The following KCNAB1 variants were observed in gnomAD, a reference collection of about 807,000 sequenced individuals.
The protein encoded by KCNAB1 is potassium voltage-gated channel subfamily A regulatory beta subunit 1.
KCNAB1 carries 35 observed loss-of-function variants against 64.6 expected under a neutral mutation model. The observed-to-expected ratio is 0.54, with a 90% CI of 0.41 to 0.72. KCNAB1 has a LOEUF of 0.72. Ranked by LOEUF, KCNAB1 falls within the 30% of genes least tolerant of loss-of-function variation. The pLI is 0.00. For missense variants in KCNAB1, 401 were observed against 512.9 expected (o/e 0.78, Z 2.11); for synonymous variants, 177 against 183.8 (o/e 0.96, Z 0.30).
chr3:156,120,411 G>T (rs1051618826), upstream of KCNAB1: 2 of 647,442 alleles, frequency 3.1e-6, no homozygotes, highest in African/African-American at 3.6e-5. Flanking sequence ...ACAGGTATTG[G>T]CCAGCTTACC....
In KCNAB1 at chr3:156,500,634, TATTA is replaced by T. The variant is rs1340622115; in HGVS notation, c.659-13726_659-13723del. ...CTTTCCACATGTTGCTGATTAGGTT[TATTA>T]ATTGTTTCTGATATATAAAAAAGTC... On this transcript the variant is annotated intron_variant, in intron 8 of 13. Transcript: ENST00000490337. Among the ~76,000 whole-genome samples the T allele has an allele frequency of 4.2e-4, 64 of 152,188 alleles. 1 individual carries two copies. Among genetic ancestry groups the T allele is most frequent in the Admixed American group, 4.1e-3 (62 of 15,280 alleles).
chr3:156,326,232 G>A (rs551168457), intron 1 of KCNAB1, among the ~76,000 whole-genome samples: 46 of 152,142 alleles, frequency 3.0e-4, no homozygotes, highest in Admixed American at 7.2e-4. Flanking sequence ...TCTTTGACAT[G>A]GCATCTCTAT....
chr3:156,206,446 G>T lies in KCNAB1; in HGVS notation c.275+85560G>T, dbSNP rs145766429. On this transcript the variant is annotated intron_variant, in intron 1 of 13. Coordinates refer to ENST00000490337, the MANE Select transcript of KCNAB1 (RefSeq NM_172160.3). ...TATGACCATCCCCCTGCAACAAGGA[G>T]AACCTTCCTGAGGCTATAAACAAGC... is the stretch of plus-strand genomic sequence containing the variant. Among the ~76,000 whole-genome samples, 422 of 152,262 alleles carry T rather than the reference G, an allele frequency of 2.8e-3. 3 individuals carry two copies. The highest frequency in any genetic ancestry group is 9.4e-3 in the African/African-American group (390 of 41,536).
intron 1 of KCNAB1, among the ~76,000 whole-genome samples, chr3:156,334,047 C>T (rs1015090172): frequency 3.9e-5 from 6 of 151,962 alleles, no homozygotes; most frequent in Non-Finnish European, 7.4e-5. Context: ...TTTTTGGGTT[C>T]GTGTCATGCT....
chr3:156,185,925 A>G (rs562994898), intron 1 of KCNAB1, among the ~76,000 whole-genome samples: 1 of 152,296 alleles, frequency 6.6e-6, no homozygotes, highest in Non-Finnish European at 1.5e-5. Flanking sequence ...CTAAACACAT[A>G]TAGGCCATCC....
In KCNAB1 at chr3:156,523,905, A is replaced by G. The variant is rs373818436; in HGVS notation, c.1039A>G (p.Ile347Val). 1.9e-5 allele frequency: 31 copies of G among 1,613,922 alleles called. No individual in the cohort carries two copies. Among genetic ancestry groups the G allele is most frequent in the African/African-American group, 1.6e-4 (12 of 74,920 alleles). ...QQNKLKDLSPIAERLGCTLPQ... is the reference protein window; with the variant it reads ...QQNKLKDLSPVAERLGCTLPQ... ...AAACAAGCTAAAAGACCTTTCCCCAATTGCGGAGCGTCTGGGATGCACACT... is the reference window on the plus strand; with the variant it reads ...AAACAAGCTAAAAGACCTTTCCCCAGTTGCGGAGCGTCTGGGATGCACACT... The change falls in exon 12 of 14, where the codon ATT (isoleucine) becomes GTT (valine). Residue 347 changes from isoleucine (I) to valine (V), a missense_variant. Ile to Val is a conservative substitution (Grantham distance 29). Coordinates refer to ENST00000490337, the MANE Select transcript of KCNAB1 (RefSeq NM_172160.3).
At chr3:156,463,584 A>AT (rs1713107612) in intron 5 of KCNAB1, 118 bp from the exon 6 acceptor site, 1 of 831,524 alleles carries the variant, frequency 1.2e-6, no homozygotes, top group African/African-American at 1.8e-5. Flanking sequence ...CTCTTTACCA[A>AT]TTTTTAAAAT....
rs532603810 is a variant in KCNAB1 at position 156,182,998 on chromosome 3, G to A, written c.275+62112G>A. Among the ~76,000 whole-genome samples the A allele has an allele frequency of 3.1e-4, 47 of 152,156 alleles. No individual in the cohort carries two copies. The South Asian group carries it at 8.9e-3, about 29-fold the overall frequency. On this transcript the variant is annotated intron_variant, in intron 1 of 13. Coordinates refer to ENST00000490337, the MANE Select transcript of KCNAB1 (RefSeq NM_172160.3). Reference sequence around the variant, plus strand: ...CAGGAGAGAGCCACTGCGCCCAGCCGACAGTTTCATTCTTAAGAAGAATTT... The same window carrying A: ...CAGGAGAGAGCCACTGCGCCCAGCCAACAGTTTCATTCTTAAGAAGAATTT...
At position 156,440,318 on chromosome 3, in the gene KCNAB1, A is replaced by C. The variant is rs149397269; in HGVS notation, c.320-12581A>C. ...TGCATACAGCTTGTTAGGAAATGTC[A>C]CTTCATTCCTGTACAATTGGGACTA... On this transcript the variant is annotated intron_variant, in intron 2 of 13. Transcript: ENST00000490337. 2.4e-4 allele frequency among the ~76,000 whole-genome samples: 36 copies of C among 152,314 alleles called. No individual in the cohort carries two copies. The East Asian group carries it at 6.6e-3, about 28-fold the overall frequency.
At chr3:156,345,905 T>C (rs764295991) in intron 1 of KCNAB1, among the ~76,000 whole-genome samples, 13 of 152,174 alleles carry the variant, frequency 8.5e-5, no homozygotes, top group Non-Finnish European at 1.8e-4. Flanking sequence ...CACCTCACTA[T>C]AGAATACTGA....
rs114364218 is a variant in KCNAB1 at position 156,379,490 on chromosome 3, G to T, written c.276-42126G>T. On this transcript the variant is annotated intron_variant, in intron 1 of 13. Transcript: ENST00000490337. ...TCTTGGGAAGGTGACACATGAGCTG[G>T]AGGAGGTGAGGGAGTGAGCCATGTG... Among the ~76,000 whole-genome samples the T allele has an allele frequency of 6.5e-3, 994 of 152,290 alleles. 12 individuals carry two copies. Among genetic ancestry groups the T allele is most frequent in the African/African-American group, 0.023 (968 of 41,558 alleles).
At chr3:156,312,727 A>AAAAAAAAAAAAAAAAAAC (rs1560189796) in intron 1 of KCNAB1, among the ~76,000 whole-genome samples, 6 of 150,932 alleles carry the variant, frequency 4.0e-5, no homozygotes. Context: ...AAAAAAAAAA[A>AAAAAAAAAAAAAAAAAAC]AAAACTCATA....
In KCNAB1 at chr3:156,387,014, CTT is replaced by C. The variant is rs1194708289; in HGVS notation, c.276-34583_276-34582del. On this transcript the variant is annotated intron_variant, in intron 1 of 13. Transcript: ENST00000490337. ...TCTTGCTTGCTTGCTTTCTCTCTCT[CTT>C]TTTTTTTTTTTTTTTTTTGCCTGTA... Among the ~76,000 whole-genome samples the C allele has an allele frequency of 1.6e-3, 149 of 90,520 alleles. 2 individuals carry two copies. The highest frequency in any genetic ancestry group is 4.1e-3 in the African/African-American group (75 of 18,382). 59.4% of individuals were successfully genotyped at this position (90,520 alleles called of 152,430 possible). A position where few individuals can be genotyped will look rare whatever the true frequency, so the allele number is the denominator to read the frequency against.
intron 2 of KCNAB1, among the ~76,000 whole-genome samples, chr3:156,440,937 TCA>T (rs1448079990): frequency 2.0e-5 from 3 of 152,190 alleles, no homozygotes; most frequent in East Asian, 3.8e-4. Context: ...ATATATTCTC[TCA>T]GTTTTAATTT....
chr3:156,203,064 A>C (rs1055449847), intron 1 of KCNAB1, among the ~76,000 whole-genome samples: 1 of 152,218 alleles, frequency 6.6e-6, no homozygotes, highest in Admixed American at 6.5e-5. Flanking sequence ...CACACAAAAG[A>C]TGATCTTTTC....
At chr3:156,129,086 C>T (rs989762364) in intron 1 of KCNAB1, among the ~76,000 whole-genome samples, 10 of 152,128 alleles carry the variant, frequency 6.6e-5, no homozygotes, top group African/African-American at 2.4e-4. Flanking sequence ...ACCTCATAGT[C>T]TTGTTACAAC....
intron 1 of KCNAB1, among the ~76,000 whole-genome samples, chr3:156,400,396 G>A (rs2108189493): frequency 6.6e-6 from 1 of 152,230 alleles, no homozygotes; most frequent in Middle Eastern, 3.4e-3. Context: ...TTTTTCTTTA[G>A]ATGACTGAAA....
At chr3:156,493,309 G>A (rs1715768328) in intron 8 of KCNAB1, among the ~76,000 whole-genome samples, 2 of 151,946 alleles carry the variant, frequency 1.3e-5, no homozygotes, top group African/African-American at 2.4e-5. Flanking sequence ...ATCCATTGCA[G>A]GATACTAAGA....
At chr3:156,412,643 A>G (rs1714748975) in intron 1 of KCNAB1, among the ~76,000 whole-genome samples, 1 of 152,272 alleles carries the variant, frequency 6.6e-6, no homozygotes, top group African/African-American at 2.4e-5. Flanking sequence ...GGCATGAATA[A>G]TAGTGGCTAC....
Sources: allele counts gnomAD v4.1 joint callset (sites outside exome capture counted in the v4.1 genomes callset), GRCh38; gene constraint gnomAD v4.1.1; transcripts MANE v1.5; gene names NCBI Gene and HGNC (gene_info 2026-07-23, HGNC 2026-07-21).